Variants in PTPRG observed in about 807,000 individuals in gnomAD.
The protein encoded by PTPRG is protein tyrosine phosphatase receptor type G.
PTPRG carries 102 observed loss-of-function variants against 165.3 expected under a neutral mutation model. The observed-to-expected ratio is 0.62, with a 90% CI of 0.53 to 0.73. The LOEUF is 0.73. Among genes scored for constraint, PTPRG ranks in the 30% least tolerant of loss-of-function variants. The pLI is 0.00. For missense variants in PTPRG, 1,866 were observed against 1,861.4 expected (o/e 1.00, Z -0.05); for synonymous variants, 675 against 669.5 (o/e 1.01, Z -0.13).
chr3:61,660,411 C>A (rs1702625038), intron 1 of PTPRG, among the ~76,000 whole-genome samples: 1 of 152,110 alleles, frequency 6.6e-6, no homozygotes, highest in Non-Finnish European at 1.5e-5. Context: ...AGGAGGTAAA[C>A]CTGAACTCAA....
chr3:61,666,192 C>T (rs749515468), intron 1 of PTPRG, among the ~76,000 whole-genome samples: 25 of 152,108 alleles, frequency 1.6e-4, no homozygotes, highest in Non-Finnish European at 2.5e-4. Flanking sequence ...CCTCTTATGC[C>T]GGCTGGTGAA....
intron 12 of PTPRG, among the ~76,000 whole-genome samples, chr3:62,208,802 G>C (rs555006964): frequency 1.3e-5 from 2 of 152,346 alleles, no homozygotes; most frequent in East Asian, 3.9e-4. Context: ...AATAATAACA[G>C]CGTCACCAGT....
chr3:61,922,830 A>C (rs1335285791), intron 2 of PTPRG, among the ~76,000 whole-genome samples: 2 of 152,202 alleles, frequency 1.3e-5, no homozygotes, highest in Non-Finnish European at 2.9e-5. Context: ...TGGTAAAGAC[A>C]GAGTTTAGCC....
intron 1 of PTPRG, among the ~76,000 whole-genome samples, chr3:61,675,575 G>A (rs1703192508): frequency 6.6e-6 from 1 of 152,018 alleles, no homozygotes; most frequent in African/African-American, 2.4e-5. Flanking sequence ...TGTACTTTTG[G>A]CTATCTTTTA....
intron 2 of PTPRG, among the ~76,000 whole-genome samples, chr3:61,865,958 A>G (rs1016037248): frequency 1.3e-5 from 2 of 152,220 alleles, no homozygotes; most frequent in East Asian, 1.9e-4. Context: ...AGTGAAGTCA[A>G]TGCTGAGACA....
Position 62,228,345 on chromosome 3 carries a change from A to G in PTPRG, c.2289-2880A>G, listed in dbSNP as rs1405206272. Among the ~76,000 whole-genome samples, 1 of 151,806 alleles carries G rather than the reference A, an allele frequency of 6.6e-6. No individual in the cohort carries two copies. Among genetic ancestry groups the G allele is most frequent in the Non-Finnish European group, 1.5e-5 (1 of 67,966 alleles). On this transcript the variant is annotated intron_variant, in intron 13 of 29. Transcript: ENST00000474889. The surrounding 1 kb of genome is among the most constrained non-coding windows in gnomAD (Gnocchi z 4.1). ...AGAACAGCCTGGCCAAAATGGTGAA[A>G]CCCCGTCTACTAAAAATACAAAAAC...
At chr3:62,008,410 G>C (rs2041345129) in intron 4 of PTPRG, among the ~76,000 whole-genome samples, 1 of 152,216 alleles carries the variant, frequency 6.6e-6, no homozygotes. Context: ...GATCCAAATT[G>C]ATTGTATGTG....
chr3:61,604,911 A>G (rs1700961021), intron 1 of PTPRG, among the ~76,000 whole-genome samples: 1 of 152,206 alleles, frequency 6.6e-6, no homozygotes, highest in Non-Finnish European at 1.5e-5. Flanking sequence ...TGACAACTTT[A>G]CAAGTCACTC....
At chr3:62,247,137 A>G (rs1013168754) in intron 15 of PTPRG, among the ~76,000 whole-genome samples, 5 of 152,176 alleles carry the variant, frequency 3.3e-5, no homozygotes, top group African/African-American at 4.8e-5. Context: ...TATTTTCACT[A>G]TAGTCCTATA....
chr3:62,248,461 A>G (rs551382405), intron 15 of PTPRG, among the ~76,000 whole-genome samples: 1 of 152,316 alleles, frequency 6.6e-6, no homozygotes, highest in South Asian at 2.1e-4. Context: ...TATGCTTTCC[A>G]TCTTCTAAAA....
At chr3:61,968,853 T>C (rs1277289791) in intron 2 of PTPRG, among the ~76,000 whole-genome samples, 1 of 152,182 alleles carries the variant, frequency 6.6e-6, no homozygotes, top group Non-Finnish European at 1.5e-5. Flanking sequence ...CTATGGCAGT[T>C]GGTCAACTTT....
At chr3:61,822,993 T>G (rs374249394) in intron 2 of PTPRG, among the ~76,000 whole-genome samples, 10 of 152,308 alleles carry the variant, frequency 6.6e-5, no homozygotes, top group African/African-American at 2.4e-4. Flanking sequence ...TTCTCCACTC[T>G]GACTGGGGGC....
intron 2 of PTPRG, among the ~76,000 whole-genome samples, chr3:61,962,947 A>G (rs1351651197): frequency 6.6e-6 from 1 of 152,206 alleles, no homozygotes; most frequent in Admixed American, 6.5e-5. Context: ...AGCATTTGAA[A>G]GTCAAAATAA....
intron 2 of PTPRG, among the ~76,000 whole-genome samples, chr3:61,836,088 C>T (rs993384217): frequency 7.9e-5 from 9 of 114,526 alleles, no homozygotes; most frequent in East Asian, 6.7e-4. Context: ...TATATATATA[C>T]ACACACACAC....
intron 4 of PTPRG, among the ~76,000 whole-genome samples, chr3:62,029,129 A>T (rs1483101921): frequency 6.6e-6 from 1 of 152,124 alleles, no homozygotes; most frequent in East Asian, 1.9e-4. Context: ...GTCTTCTCTC[A>T]CACACACTAA....
rs547713963 is a variant in PTPRG at position 61,595,490 on chromosome 3, T to C, written c.85+33118T>C. 5.9e-5 allele frequency among the ~76,000 whole-genome samples: 9 copies of C among 152,342 alleles called. No individual in the cohort carries two copies. The South Asian group carries it at 1.9e-3, about 32-fold the overall frequency. On this transcript the variant is annotated intron_variant, in intron 1 of 29. Coordinates refer to ENST00000474889, the MANE Select transcript of PTPRG (RefSeq NM_002841.4). ...CAAGAAAGGGACTAGATGTCAGAAC[T>C]TGGGCAAAGGAGGCATTTCCTGTGA...
Position 62,195,290 on chromosome 3 carries a change from G to A in PTPRG, c.1327+120G>A, listed in dbSNP as rs1029101383. ...AAACAAGCCTGGCAGAAGAATCAGT[G>A]TAGGGTTTTAAAGCCTATGCGGGAA... On this transcript the variant is annotated intron_variant, in intron 10 of 29. Coordinates refer to ENST00000474889, the MANE Select transcript of PTPRG (RefSeq NM_002841.4). The surrounding 1 kb of genome is among the most constrained non-coding windows in gnomAD (Gnocchi z 4.4). 2.1e-6 allele frequency: 2 copies of A among 931,266 alleles called. No homozygotes were observed. Among genetic ancestry groups the A allele is most frequent in the African/African-American group, 3.3e-5 (2 of 60,740 alleles). 57.7% of individuals were successfully genotyped at this position (931,266 alleles called of 1,614,324 possible). A position where few individuals can be genotyped will look rare whatever the true frequency, so the allele number is the denominator to read the frequency against.
rs1189834312 is a variant in PTPRG, at chr3:62,267,776, C to G, written c.2831C>G (p.Thr944Ser). The change falls in exon 19 of 30, where the codon ACT (threonine) becomes AGT (serine). Residue 944 changes from threonine to serine, a missense_variant. This residue lies in a region of PTPRG where 1,452 missense variants were observed against 1,463.0 expected (regional missense o/e 0.99). Coordinates refer to ENST00000474889, the MANE Select transcript of PTPRG (RefSeq NM_002841.4). ...DFWRMIWEQN[T>S]GIIVMITNLV... ...TGGAGGATGATTTGGGAACAAAACA[C>G]TGGAATCATTGTGATGATTACGAAC... The G allele has an allele frequency of 6.2e-7, 1 of 1,613,538 alleles. No homozygotes were observed. Among genetic ancestry groups the G allele is most frequent in the Non-Finnish European group, 8.5e-7 (1 of 1,179,532 alleles).
chr3:62,019,543 G>T (rs1163060192), intron 4 of PTPRG, among the ~76,000 whole-genome samples: 1 of 139,964 alleles, frequency 7.1e-6, no homozygotes, highest in African/African-American at 2.7e-5. Context: ...AAAAAAAAAA[G>T]TCCTTGGAAG....
Sources: allele counts gnomAD v4.1 joint callset (sites outside exome capture counted in the v4.1 genomes callset), GRCh38; gene constraint gnomAD v4.1.1; regional missense constraint gnomAD v4.1.1; non-coding constraint Gnocchi (gnomAD v3.1); transcripts MANE v1.5; gene names NCBI Gene and HGNC (gene_info 2026-07-23, HGNC 2026-07-21).